The following TOP1 variants were observed in gnomAD, a reference collection of about 807,000 sequenced individuals.
TOP1 encodes DNA topoisomerase 1.
In TOP1, 10 loss-of-function variants were observed where a neutral mutation model predicts 111.1. That is an observed-to-expected ratio of 0.09 (90% CI 0.06 to 0.15). The LOEUF (loss-of-function observed/expected upper bound fraction) is 0.15. Among genes scored for constraint, TOP1 ranks in the 10% least tolerant of loss-of-function variants. TOP1 has a pLI of 1.00. For synonymous variants in TOP1, 271 were observed against 302.9 expected, an observed-to-expected ratio of 0.89 and a Z score of 1.10; for missense variants, 474 against 926.7, an observed-to-expected ratio of 0.51 and a Z score of 6.34.
rs1375274684 is a variant in TOP1, at chr20:41,061,950, A to T, written c.155+460A>T. Among the ~76,000 whole-genome samples, 1 of 152,200 alleles carries T rather than the reference A, an allele frequency of 6.6e-6. No individual in the cohort carries two copies. Among genetic ancestry groups the T allele is most frequent in the East Asian group, 1.9e-4 (1 of 5,202 alleles). On this transcript the variant is annotated intron_variant, in intron 3 of 20. Transcript: ENST00000361337. The surrounding 1 kb of genome is among the most constrained non-coding windows in gnomAD (Gnocchi z 4.6). ...TTATATGCAAATGGTTGAGTATATG[A>T]GATTTCCTGGAGAGACTATTTGTAG...
At position 41,034,637 on chromosome 20, in the gene TOP1, G is replaced by T. The variant is rs951247257; in HGVS notation, c.58+5182G>T. ...TGCTGAAATGATTTAATAGTAAATA[G>T]ATATTGTTGAACATTTTCTGTGTGT... On this transcript the variant is annotated intron_variant, in intron 2 of 20. Coordinates refer to ENST00000361337, the MANE Select transcript of TOP1 (RefSeq NM_003286.4). This position sits in a 1 kb window ranked among gnomAD's most constrained non-coding sequence, Gnocchi z 4.0. 6.6e-6 allele frequency among the ~76,000 whole-genome samples: 1 copy of T among 152,194 alleles called. No homozygotes were observed. Among genetic ancestry groups the T allele is most frequent in the Non-Finnish European group, 1.5e-5 (1 of 68,044 alleles).
At chr20:41,120,273 A>G (rs1023095348) in intron 18 of TOP1, among the ~76,000 whole-genome samples, 2 of 152,276 alleles carry the variant, frequency 1.3e-5, no homozygotes, top group Non-Finnish European at 2.9e-5. Context: ...TTTGGACAAC[A>G]TAGATGTTGG....
At position 41,058,992 on chromosome 20, in the gene TOP1, G is replaced by A. The variant is rs2033509287; in HGVS notation, c.59-2402G>A. ...ACCACGGAATACTGTGCAGCCATAA[G>A]AAGAACGAGATTGTGTCCTTTGCAG... is the stretch of plus-strand genomic sequence containing the variant. On this transcript the variant is annotated intron_variant, in intron 2 of 20. Coordinates refer to ENST00000361337, the MANE Select transcript of TOP1 (RefSeq NM_003286.4). This position sits in a 1 kb window ranked among gnomAD's most constrained non-coding sequence, Gnocchi z 4.2. Among the ~76,000 whole-genome samples, 2 of 152,096 alleles carry A rather than the reference G, an allele frequency of 1.3e-5. No homozygotes were observed. Among genetic ancestry groups the A allele is most frequent in the African/African-American group, 4.8e-5 (2 of 41,410 alleles).
intron 9 of TOP1, among the ~76,000 whole-genome samples, chr20:41,093,241 C>G (rs2033941706): frequency 6.6e-6 from 1 of 152,290 alleles, no homozygotes; most frequent in Non-Finnish European, 1.5e-5. Context: ...TGACATGCCT[C>G]CTGTTGGCAG....
intron 8 of TOP1, among the ~76,000 whole-genome samples, chr20:41,091,956 A>G (rs1439645224): frequency 2.0e-5 from 3 of 152,194 alleles, no homozygotes; most frequent in African/African-American, 7.2e-5. Context: ...AGTGTTTGCT[A>G]GATAGTTCCA....
chr20:41,110,120 C>G lies in TOP1; in HGVS notation c.1309-2662C>G, dbSNP rs947728778. Among the ~76,000 whole-genome samples the G allele has an allele frequency of 2.0e-5, 3 of 152,076 alleles. No homozygotes were observed. Among genetic ancestry groups the G allele is most frequent in the Non-Finnish European group, 4.4e-5 (3 of 68,004 alleles). ...TGGCCAACATGGCGAAACACCGTCT[C>G]TACAAAAAAATACAAAAATTAGCCG... On this transcript the variant is annotated intron_variant, in intron 13 of 20. Transcript: ENST00000361337. The surrounding 1 kb of genome is among the most constrained non-coding windows in gnomAD (Gnocchi z 4.2).
chr20:41,054,222 CG>C (rs2033440700), intron 2 of TOP1, among the ~76,000 whole-genome samples: 1 of 152,058 alleles, frequency 6.6e-6, no homozygotes, highest in South Asian at 2.1e-4. Context: ...TTGAATCACC[CG>C]GGCAGTTACC....
rs1305599760 is a variant in TOP1, at chr20:41,121,121, G to T, written c.1951-575G>T. Among the ~76,000 whole-genome samples, 2 of 152,146 alleles carry T rather than the reference G, an allele frequency of 1.3e-5. No homozygotes were observed. Among genetic ancestry groups the T allele is most frequent in the African/African-American group, 4.8e-5 (2 of 41,424 alleles). ...TTGGGACAGACTGGCTGAGCTGTTT[G>T]GCTTCCTGGGTGTCTTTTAATTGCC... On this transcript the variant is annotated intron_variant, in intron 18 of 20. Coordinates refer to ENST00000361337, the MANE Select transcript of TOP1 (RefSeq NM_003286.4). This position sits in a 1 kb window ranked among gnomAD's most constrained non-coding sequence, Gnocchi z 4.2.
chr20:41,076,431 C>T (rs1309593102), intron 4 of TOP1, 137 bp downstream of exon 4: 5 of 1,257,270 alleles, frequency 4.0e-6, no homozygotes, highest in East Asian at 2.5e-5. Context: ...TTAGAGCAAA[C>T]TGTAGTCTTA....
intron 2 of TOP1, among the ~76,000 whole-genome samples, chr20:41,037,711 C>G (rs1051120800): frequency 2.6e-5 from 4 of 152,150 alleles, no homozygotes; most frequent in African/African-American, 9.7e-5. Flanking sequence ...ATTGAATTGC[C>G]TTGAATTTGT....
chr20:41,068,671 A>G (rs758412636), intron 3 of TOP1, among the ~76,000 whole-genome samples: 3 of 152,200 alleles, frequency 2.0e-5, no homozygotes, highest in Non-Finnish European at 4.4e-5. Flanking sequence ...TTGGGGTTAC[A>G]GGCATGAGCC....
chr20:41,061,515 C>T lies in TOP1; in HGVS notation c.155+25C>T, dbSNP rs1443595579. ...GGTAAGGGTGGAATCAAGCAAGTCC[C>T]TCATCATTCAGCAGTGGGTTGGCCA... On this transcript the variant is annotated intron_variant, in intron 3 of 20. Transcript: ENST00000361337. The surrounding 1 kb of genome is among the most constrained non-coding windows in gnomAD (Gnocchi z 4.6). 1 of 1,559,388 alleles carries T rather than the reference C, an allele frequency of 6.4e-7. No individual in the cohort carries two copies. Among genetic ancestry groups the T allele is most frequent in the Non-Finnish European group, 8.7e-7 (1 of 1,148,820 alleles).
intron 8 of TOP1, among the ~76,000 whole-genome samples, chr20:41,091,096 T>C (rs942502347): frequency 6.6e-6 from 1 of 152,256 alleles, no homozygotes; most frequent in Non-Finnish European, 1.5e-5. Flanking sequence ...TTTGGTTTTA[T>C]AGTAATACCA....
intron 2 of TOP1, among the ~76,000 whole-genome samples, chr20:41,041,684 G>A (rs1286403813): frequency 6.6e-6 from 1 of 152,090 alleles, no homozygotes; most frequent in Non-Finnish European, 1.5e-5. Flanking sequence ...CCTTGAAGTT[G>A]ATTCTATAGT....
Position 41,069,409 on chromosome 20 carries a change from A to G in TOP1, c.156-6762A>G, listed in dbSNP as rs1244778183. Among the ~76,000 whole-genome samples the G allele has an allele frequency of 6.6e-6, 1 of 152,206 alleles. No individual in the cohort carries two copies. Among genetic ancestry groups the G allele is most frequent in the African/African-American group, 2.4e-5 (1 of 41,444 alleles). On this transcript the variant is annotated intron_variant, in intron 3 of 20. Coordinates refer to ENST00000361337, the MANE Select transcript of TOP1 (RefSeq NM_003286.4). The surrounding 1 kb of genome is among the most constrained non-coding windows in gnomAD (Gnocchi z 4.1). ...GAAACTCAGTACCACCACCATTCAC[A>G]TGGGAGTCAGTATGATATATTGAAT...
intron 8 of TOP1, among the ~76,000 whole-genome samples, chr20:41,090,680 T>G (rs1454802963): frequency 6.7e-6 from 1 of 148,426 alleles, no homozygotes; most frequent in African/African-American, 2.5e-5. Context: ...TTTTTGTATT[T>G]TTAGTAGAGA....
rs1281482018 is a variant in TOP1 at position 41,123,473 on chromosome 20, C to T, written c.*176C>T. 2.2e-6 allele frequency: 1 copy of T among 451,498 alleles called. No homozygotes were observed. The allele number at this position is 451,498 out of a possible 1,614,324, so 28.0% of individuals were successfully genotyped here. A position where few individuals can be genotyped will look rare whatever the true frequency, so the allele number is the denominator to read the frequency against. On this transcript the variant is annotated 3_prime_UTR_variant, in exon 21 of 21. Transcript: ENST00000361337. This position sits in a 1 kb window ranked among gnomAD's most constrained non-coding sequence, Gnocchi z 5.8. ...TATAAGGGAGAGCTGAGCCAGTTGT[C>T]CTATGGACAACTTATTTAAAAATAT...
intron 5 of TOP1, 148 bp downstream of exon 5, chr20:41,077,785 T>C: frequency 1.4e-6 from 1 of 692,596 alleles, no homozygotes; most frequent in Non-Finnish European, 2.5e-6. Flanking sequence ...GAAGACTCGG[T>C]CTAAGCCAAC....
At chr20:41,054,203 G>A (rs1243224904) in intron 2 of TOP1, among the ~76,000 whole-genome samples, 2 of 152,148 alleles carry the variant, frequency 1.3e-5, no homozygotes, top group Non-Finnish European at 2.9e-5. Flanking sequence ...GGGACCCGGT[G>A]GGAGGTGATT....
Sources: gnomAD v4.1 joint callset for allele counts (sites outside exome capture counted in the v4.1 genomes callset) on GRCh38, gnomAD v4.1.1 for gene constraint, Gnocchi (gnomAD v3.1) non-coding constraint, MANE v1.5 for transcripts, NCBI Gene and HGNC (gene_info 2026-07-23, HGNC 2026-07-21) for gene names.